Variants in IKBKB observed in about 807,000 individuals in gnomAD.
IKBKB encodes inhibitor of nuclear factor kappa B kinase subunit beta.
A neutral mutation model predicts 113.6 loss-of-function variants in IKBKB; 42 were observed. That is an observed-to-expected ratio of 0.37 (90% CI 0.29 to 0.48). The LOEUF (loss-of-function observed/expected upper bound fraction) is 0.48. Ranked by LOEUF, IKBKB falls within the 20% of genes least tolerant of loss-of-function variation. The probability of loss-of-function intolerance (pLI) is 0.99; values close to 1 mark genes in which losing one functional copy is unlikely to be tolerated. For synonymous variants in IKBKB, 296 were observed against 361.3 expected (o/e 0.82, Z 2.05); for missense variants, 673 against 939.7 (o/e 0.72, Z 3.71).
At chr8:42,325,329 T>TTGTG in intron 19 of IKBKB, 13 of 985,578 alleles carry the variant, frequency 1.3e-5, no homozygotes, top group Non-Finnish European at 1.6e-5. Flanking sequence ...CCCATAGCCT[T>TTGTG]TGTGTGTGTG....
At chr8:42,325,908 G>A (rs1482137328) in intron 19 of IKBKB, 62 bp from the exon 20 acceptor site, 1 of 1,603,510 alleles carries the variant, frequency 6.2e-7, no homozygotes, top group Non-Finnish European at 8.5e-7. Flanking sequence ...AAAATACTGT[G>A]GCGTGAATGC....
chr8:42,318,537 T>C lies in IKBKB; in HGVS notation c.1241-15T>C. ...GTGGTTATTCTTTGACAATTGCTTG[T>C]GTCTCTGTCTCCAGTTCAAGAGCCC... On this transcript the variant is annotated splice_polypyrimidine_tract_variant and intron_variant, in intron 12 of 21. Transcript: ENST00000520810. 1 of 1,610,956 alleles carries C rather than the reference T, an allele frequency of 6.2e-7. No individual in the cohort carries two copies. The highest frequency in any genetic ancestry group is 2.2e-5 in the East Asian group (1 of 44,832).
intron 15 of IKBKB, 41 bp from the exon 16 acceptor site, chr8:42,320,694 G>A (rs201607977): frequency 1.6e-5 from 24 of 1,521,628 alleles, no homozygotes; most frequent in Middle Eastern, 1.7e-4. Flanking sequence ...CTCAGCATGC[G>A]CCTACCACAT....
intron 5 of IKBKB, among the ~76,000 whole-genome samples, chr8:42,303,060 GGAGAGAGAGAGA>G (rs34921450): frequency 1.8e-5 from 2 of 114,196 alleles, no homozygotes; most frequent in Non-Finnish European, 3.6e-5. Context: ...TTGCCGAGAG[GGAGAGAGAGAGA>G]GAGAGAGAGA....
chr8:42,302,021 C>G (rs1395807310), intron 5 of IKBKB, among the ~76,000 whole-genome samples: 3 of 152,210 alleles, frequency 2.0e-5, no homozygotes, highest in Non-Finnish European at 4.4e-5. Context: ...CTGATACTCT[C>G]CAGCAGTCTG....
At chr8:42,303,147 TGA>T (rs968601948) in intron 5 of IKBKB, among the ~76,000 whole-genome samples, 1 of 76,472 alleles carries the variant, frequency 1.3e-5, no homozygotes, top group Non-Finnish European at 3.0e-5. Flanking sequence ...GGAGAGAGAA[TGA>T]GAGAGAGAAT....
At chr8:42,288,391 A>C (rs1340436538) in intron 2 of IKBKB, among the ~76,000 whole-genome samples, 2 of 19,640 alleles carry the variant, frequency 1.0e-4, no homozygotes, top group African/African-American at 1.2e-4. Flanking sequence ...CATCTCAAAC[A>C]AAAAAAAAAA....
intron 21 of IKBKB, chr8:42,330,646 G>A: frequency 5.0e-6 from 1 of 200,264 alleles, no homozygotes; most frequent in Non-Finnish European, 8.9e-6. Flanking sequence ...GAGTAGCTGG[G>A]ACTATAGGAG....
chr8:42,324,097 C>T (rs2130698538), intron 19 of IKBKB, among the ~76,000 whole-genome samples: 1 of 152,246 alleles, frequency 6.6e-6, no homozygotes, highest in East Asian at 1.9e-4. Flanking sequence ...GGAGCTGTTC[C>T]AGCTGAAGAG....
At chr8:42,271,651 T>G in intron 1 of IKBKB, 182 bp downstream of exon 1, 1 of 538,760 alleles carries the variant, frequency 1.9e-6, no homozygotes, top group Non-Finnish European at 3.2e-6. Context: ...TGGGGTGGCT[T>G]CTTGGGGGTG....
intron 20 of IKBKB, among the ~76,000 whole-genome samples, chr8:42,328,146 C>T (rs906440829): frequency 8.7e-5 from 13 of 149,920 alleles, no homozygotes; most frequent in Non-Finnish European, 1.5e-4. Context: ...GTTTCTCCAG[C>T]CTGTTGGTCA....
rs950367359 is a variant in IKBKB, at chr8:42,331,455, A to G, written c.*476A>G. The G allele has an allele frequency of 3.3e-5, 23 of 701,150 alleles. No homozygotes were observed. In the East Asian group the frequency reaches 6.2e-4, roughly 19 times the overall value. 43.4% of individuals were successfully genotyped at this position (701,150 alleles called of 1,614,324 possible). A position where few individuals can be genotyped will look rare whatever the true frequency, so the allele number is the denominator to read the frequency against. ...GACAGCCTGTCCTCTCCTGCTCTCC[A>G]AAGGCCCTGCTCCCTGTCCTCTCTC... On this transcript the variant is annotated 3_prime_UTR_variant, in exon 22 of 22. Coordinates refer to ENST00000520810, the MANE Select transcript of IKBKB (RefSeq NM_001556.3).
chr8:42,278,092 AG>A (rs1322981511), intron 2 of IKBKB, among the ~76,000 whole-genome samples: 1 of 152,208 alleles, frequency 6.6e-6, no homozygotes, highest in African/African-American at 2.4e-5. Context: ...AGTCAGTGTC[AG>A]AGGAGGTTCC....
chr8:42,327,135 C>T (rs1820896209), intron 20 of IKBKB, among the ~76,000 whole-genome samples: 1 of 152,064 alleles, frequency 6.6e-6, no homozygotes. Flanking sequence ...ATACAGTCTG[C>T]TTTGAAGAAT....
intron 2 of IKBKB, among the ~76,000 whole-genome samples, chr8:42,275,473 A>G (rs1041801023): frequency 6.6e-6 from 1 of 151,974 alleles, no homozygotes; most frequent in African/African-American, 2.4e-5. Flanking sequence ...GTGTCAGCCA[A>G]CAGACTTTAC....
intron 16 of IKBKB, chr8:42,321,617 G>A: frequency 1.0e-5 from 4 of 388,512 alleles, no homozygotes; most frequent in Non-Finnish European, 1.9e-5. Flanking sequence ...GACCTCCCAG[G>A]CTTATGCAGT....
chr8:42,328,745 T>C (rs1821273515), intron 20 of IKBKB, among the ~76,000 whole-genome samples: 1 of 152,300 alleles, frequency 6.6e-6, no homozygotes, highest in Non-Finnish European at 1.5e-5. Context: ...CCTGATAAAT[T>C]CCTTGGCCTT....
rs201849681 is a variant in IKBKB, at chr8:42,316,810, C to G, written c.1031C>G (p.Thr344Arg). The change falls in exon 11 of 22, where the codon ACG becomes AGG. Residue 344 changes from threonine to arginine, a missense_variant. By Grantham distance (71) the Thr-to-Arg change is moderately conservative. This residue lies in a region of IKBKB where 506 missense variants were observed against 638.7 expected (regional missense o/e 0.79). Transcript: ENST00000520810. This position sits in a 1 kb window ranked among gnomAD's most constrained non-coding sequence, Gnocchi z 4.5. ...TTGAAGGCCAGAATCCAACAGGACA[C>G]GGGCATCCCAGAGGAGGACCAGGAG... ...QSLKARIQQD[T>R]GIPEEDQELL... is the part of the protein sequence containing the mutation. 1 of 1,614,122 alleles carries G rather than the reference C, an allele frequency of 6.2e-7. No homozygotes were observed. The highest frequency in any genetic ancestry group is 2.2e-5 in the East Asian group (1 of 44,880).
intron 20 of IKBKB, 184 bp downstream of exon 20, chr8:42,326,281 A>G: frequency 1.5e-6 from 1 of 652,274 alleles, no homozygotes; most frequent in East Asian, 2.9e-5. Flanking sequence ...GTCCCTTGAA[A>G]CTTACTAACT....
Sources: gnomAD v4.1 joint callset for allele counts (sites outside exome capture counted in the v4.1 genomes callset) on GRCh38, gnomAD v4.1.1 for gene constraint, gnomAD v4.1.1 regional missense constraint, Gnocchi (gnomAD v3.1) non-coding constraint, MANE v1.5 for transcripts, NCBI Gene and HGNC (gene_info 2026-07-23, HGNC 2026-07-21) for gene names.